Variants in ROBO2 observed in about 807,000 individuals in gnomAD.
The protein encoded by ROBO2 is roundabout guidance receptor 2, also known as roundabout homolog 2.
Under a neutral mutation model 160.8 loss-of-function variants are expected in ROBO2, and 53 were observed. The ratio of observed to expected loss-of-function variants is 0.33; its 90% confidence interval spans 0.26 to 0.41. ROBO2 has a LOEUF of 0.41. ROBO2 is among the 10% of genes least tolerant of loss of function. The pLI is 1.00. For missense variants in ROBO2, 1,577 were observed against 1,722.4 expected (o/e 0.92, Z 1.49); for synonymous variants, 664 against 611.7 (o/e 1.09, Z -1.26).
intron 2 of ROBO2, among the ~76,000 whole-genome samples, chr3:76,798,259 G>GGAAAGAAAGAAAAA: frequency 1.1e-5 from 1 of 94,284 alleles, no homozygotes; most frequent in East Asian, 3.3e-4. Context: ...AAAGAAAGAA[G>GGAAAGAAAGAAAAA]GAAAGAAAGA....
intron 2 of ROBO2, among the ~76,000 whole-genome samples, chr3:77,112,030 G>T (rs1290975727): frequency 6.6e-6 from 1 of 151,590 alleles, no homozygotes. Context: ...TGGGCAGCAC[G>T]GTCAAACCCC....
chr3:77,002,676 T>C (rs1438692121), intron 2 of ROBO2, among the ~76,000 whole-genome samples: 1 of 152,120 alleles, frequency 6.6e-6, no homozygotes, highest in Non-Finnish European at 1.5e-5. Flanking sequence ...ATAATTTCAA[T>C]TTGGATTTTA....
intron 2 of ROBO2, among the ~76,000 whole-genome samples, chr3:77,237,047 A>G (rs139264205): frequency 6.6e-6 from 1 of 151,950 alleles, no homozygotes. Context: ...TGCTTTTTAA[A>G]TTTTGTATAG....
intron 2 of ROBO2, among the ~76,000 whole-genome samples, chr3:77,421,775 T>A (rs920749017): frequency 2.6e-4 from 40 of 152,126 alleles, no homozygotes; most frequent in African/African-American, 9.6e-4. Context: ...TAAATAACAT[T>A]TATCAGTAAT....
At chr3:75,987,198 A>T (rs1172260990) in intron 2 of ROBO2, among the ~76,000 whole-genome samples, 14 of 151,998 alleles carry the variant, frequency 9.2e-5, no homozygotes, top group Non-Finnish European at 2.9e-5. Context: ...ACACATGGAC[A>T]TGGAATATCT....
chr3:76,737,473 A>G (rs1373737334), intron 2 of ROBO2, among the ~76,000 whole-genome samples: 2 of 152,204 alleles, frequency 1.3e-5, no homozygotes, highest in Non-Finnish European at 2.9e-5. Flanking sequence ...TCAAAATTTT[A>G]AAGGGCAGAT....
intron 5 of ROBO2, among the ~76,000 whole-genome samples, chr3:77,507,347 T>A (rs1328137473): frequency 6.6e-6 from 1 of 152,202 alleles, no homozygotes; most frequent in Non-Finnish European, 1.5e-5. Flanking sequence ...TGAACACTGA[T>A]GAAGGAGACT....
intron 2 of ROBO2, among the ~76,000 whole-genome samples, chr3:76,872,802 C>G (rs2072255587): frequency 6.6e-6 from 1 of 151,858 alleles, no homozygotes; most frequent in African/African-American, 2.4e-5. Context: ...TTTATACACC[C>G]TTTCTTTTGT....
chr3:76,305,373 A>G (rs1449650986), intron 2 of ROBO2, among the ~76,000 whole-genome samples: 3 of 106,422 alleles, frequency 2.8e-5, no homozygotes, highest in Non-Finnish European at 3.5e-5. Flanking sequence ...CCTGGGTGAC[A>G]GAGCAAGATC....
At chr3:76,752,989 G>A (rs979737138) in intron 2 of ROBO2, among the ~76,000 whole-genome samples, 2 of 151,816 alleles carry the variant, frequency 1.3e-5, no homozygotes, top group Non-Finnish European at 2.9e-5. Flanking sequence ...AAACAAATAT[G>A]TTAATGTTTA....
At chr3:76,888,390 G>T (rs1412539190) in intron 2 of ROBO2, among the ~76,000 whole-genome samples, 1 of 152,070 alleles carries the variant, frequency 6.6e-6, no homozygotes, top group African/African-American at 2.4e-5. Context: ...AAACAAAAGA[G>T]AATCTAGTTA....
At chr3:77,405,252 T>C (rs2076164340) in intron 2 of ROBO2, among the ~76,000 whole-genome samples, 1 of 152,188 alleles carries the variant, frequency 6.6e-6, no homozygotes, top group Non-Finnish European at 1.5e-5. Flanking sequence ...AATGTTGCAC[T>C]GATATTTACT....
At chr3:77,363,829 A>G (rs1378816248) in intron 2 of ROBO2, among the ~76,000 whole-genome samples, 3 of 152,094 alleles carry the variant, frequency 2.0e-5, no homozygotes, top group African/African-American at 4.8e-5. Flanking sequence ...TCAAGTGTCT[A>G]TGACCTGCCT....
chr3:75,998,184 T>C (rs1029746326), intron 2 of ROBO2, among the ~76,000 whole-genome samples: 1 of 152,228 alleles, frequency 6.6e-6, no homozygotes, highest in Non-Finnish European at 1.5e-5. Flanking sequence ...TGTGTGTTTA[T>C]TTAGCTCCTG....
chr3:77,472,736 C>T (rs916586506), intron 2 of ROBO2, among the ~76,000 whole-genome samples: 1 of 151,962 alleles, frequency 6.6e-6, no homozygotes, highest in Non-Finnish European at 1.5e-5. Context: ...TTTAAAAATT[C>T]TATTTTTATT....
chr3:76,301,990 A>G (rs1182959399), intron 2 of ROBO2, among the ~76,000 whole-genome samples: 1 of 152,090 alleles, frequency 6.6e-6, no homozygotes, highest in Non-Finnish European at 1.5e-5. Flanking sequence ...ATGAAGAAAC[A>G]AAATAGAAAG....
At chr3:75,973,774 C>T (rs761208271) in intron 2 of ROBO2, among the ~76,000 whole-genome samples, 12 of 151,260 alleles carry the variant, frequency 7.9e-5, no homozygotes, top group East Asian at 5.9e-4. Context: ...ATGGGTGATA[C>T]GAAGTTTTAG....
At chr3:77,360,189 C>T (rs183512969) in intron 2 of ROBO2, among the ~76,000 whole-genome samples, 6 of 151,752 alleles carry the variant, frequency 4.0e-5, no homozygotes, top group East Asian at 3.9e-4. Flanking sequence ...TCAGGGCCGG[C>T]GGGGAGTGCT....
At chr3:76,977,336 A>G (rs1016550094) in intron 2 of ROBO2, among the ~76,000 whole-genome samples, 7 of 152,208 alleles carry the variant, frequency 4.6e-5, no homozygotes, top group African/African-American at 1.7e-4. Context: ...GTGATTTCTG[A>G]AAATCCTAAT....
Sources: allele counts gnomAD v4.1 joint callset (sites outside exome capture counted in the v4.1 genomes callset), GRCh38; gene constraint gnomAD v4.1.1; transcripts MANE v1.5; gene names NCBI Gene and HGNC (gene_info 2026-07-23, HGNC 2026-07-21).